The following IFI16 variants were observed in gnomAD, a reference collection of about 807,000 sequenced individuals.
IFI16 encodes interferon gamma inducible protein 16.
In IFI16, 49 loss-of-function variants were observed where a neutral mutation model predicts 68.4. The ratio of observed to expected loss-of-function variants is 0.72; its 90% CI spans 0.57 to 0.91. The LOEUF (loss-of-function observed/expected upper bound fraction) is 0.91. Among genes scored for constraint, IFI16 ranks in the 40% least tolerant of loss-of-function variants. The pLI, the probability that IFI16 is intolerant of heterozygous loss-of-function variation, is 0.00. For synonymous variants in IFI16, 307 were observed against 315.0 expected (o/e 0.97, Z 0.27); for missense variants, 878 against 942.9 (o/e 0.93, Z 0.90).
intron 6 of IFI16, among the ~76,000 whole-genome samples, chr1:159,024,151 G>T (rs1421846159): frequency 6.6e-6 from 1 of 152,160 alleles, no homozygotes; most frequent in Non-Finnish European, 1.5e-5. Flanking sequence ...CCAGGCATTT[G>T]CATCTTGATA....
In IFI16 at chr1:159,016,697, T is replaced by G. The variant is rs1652953836; in HGVS notation, c.546T>G (p.Thr182=). ...CAGCTCCACCCAACAGTTCTTCAAC[T>G]GAGGTACACTCTTCCTGGTCCCATT... The part of the protein sequence containing the change: ...SLSAPPNSSS[T]ENPKTVAKCQ... The change falls in exon 4 of 12, where the codon ACT becomes ACG. Residue 182 remains threonine (T), a synonymous_variant. Transcript: ENST00000295809. 1.2e-6 allele frequency: 2 copies of G among 1,611,954 alleles called. No individual in the cohort carries two copies. Among genetic ancestry groups the G allele is most frequent in the South Asian group, 2.2e-5 (2 of 90,638 alleles).
At chr1:159,034,963 A>C (rs960072288) in intron 7 of IFI16, among the ~76,000 whole-genome samples, 2 of 152,174 alleles carry the variant, frequency 1.3e-5, no homozygotes, top group African/African-American at 4.8e-5. Context: ...AGTCACCTGC[A>C]CTGAGGGTTC....
chr1:159,047,257 A>G (rs773322248), intron 8 of IFI16, among the ~76,000 whole-genome samples: 3 of 151,232 alleles, frequency 2.0e-5, no homozygotes, highest in Non-Finnish European at 3.0e-5. Context: ...GGTTTTCTCA[A>G]TTTTTTAGAC....
At chr1:159,029,901 C>T (rs894882381) in intron 6 of IFI16, among the ~76,000 whole-genome samples, 3 of 151,992 alleles carry the variant, frequency 2.0e-5, no homozygotes, top group African/African-American at 4.8e-5. Context: ...AGGCTGGTCT[C>T]ATACTCCTGA....
chr1:159,049,625 T>C (rs755847811), intron 9 of IFI16, 26 bp downstream of exon 9: 9 of 1,612,934 alleles, frequency 5.6e-6, no homozygotes, highest in African/African-American at 2.7e-5. Flanking sequence ...TCCCAATACA[T>C]TCCCCTCGCT....
At chr1:159,034,489 A>C (rs1654198931) in intron 7 of IFI16, among the ~76,000 whole-genome samples, 1 of 152,180 alleles carries the variant, frequency 6.6e-6, no homozygotes, top group African/African-American at 2.4e-5. Flanking sequence ...TATTCCAATT[A>C]CCTTTCATCC....
At chr1:159,006,288 G>A (rs1652255948), upstream of IFI16, among the ~76,000 whole-genome samples, 2 of 152,102 alleles carry the variant, frequency 1.3e-5, no homozygotes, top group African/African-American at 2.4e-5. Context: ...GGAAGGGGAG[G>A]GGGACTCAAA....
At chr1:159,048,361 A>G (rs181568716) in intron 8 of IFI16, among the ~76,000 whole-genome samples, 7 of 151,468 alleles carry the variant, frequency 4.6e-5, no homozygotes, top group African/African-American at 9.7e-5. Flanking sequence ...GAAAACTGAG[A>G]TGCAAAGAAA....
intron 8 of IFI16, among the ~76,000 whole-genome samples, chr1:159,048,660 A>G (rs527436963): frequency 1.2e-4 from 18 of 151,618 alleles, no homozygotes; most frequent in African/African-American, 4.3e-4. Flanking sequence ...ATTGCCACTT[A>G]AAAAATTAGG....
chr1:159,037,377 C>T (rs1162652213), intron 7 of IFI16, among the ~76,000 whole-genome samples: 2 of 152,192 alleles, frequency 1.3e-5, no homozygotes. Context: ...CTAAGATTCA[C>T]CAGCTGAGCA....
chr1:159,026,186 A>G lies in IFI16; in HGVS notation c.1161+5657A>G, dbSNP rs541804044. Among the ~76,000 whole-genome samples, 3 of 145,960 alleles carry G rather than the reference A, an allele frequency of 2.1e-5. No homozygotes were observed. The South Asian group carries it at 6.4e-4, about 31-fold the overall frequency. On this transcript the variant is annotated intron_variant, in intron 6 of 11. Coordinates refer to ENST00000295809, the MANE Select transcript of IFI16 (RefSeq NM_001376587.1). The stretch of plus-strand genomic sequence containing the variant: ...TGGTCTGTTTTTTGGTTCCATATGA[A>G]TTTTAGGATTTTTTTTTCTAGTTCT...
At chr1:159,012,072 C>T (rs757296132) in intron 1 of IFI16, among the ~76,000 whole-genome samples, 2 of 150,632 alleles carry the variant, frequency 1.3e-5, no homozygotes, top group Non-Finnish European at 3.0e-5. Flanking sequence ...ATTTTTCACT[C>T]TTCTTATCTT....
rs769006099 is a variant in IFI16 at position 159,016,525 on chromosome 1, A to T, written c.382-8A>T. The T allele has an allele frequency of 1.2e-6, 2 of 1,601,794 alleles. No homozygotes were observed. Among genetic ancestry groups the T allele is most frequent in the Non-Finnish European group, 8.5e-7 (1 of 1,175,380 alleles). On this transcript the variant is annotated splice_region_variant and splice_polypyrimidine_tract_variant and intron_variant, in intron 3 of 11. Transcript: ENST00000295809. ...AAACGAATAACAGGAAAATCAAACC[A>T]CTTTCAGAAAAGAAAAAAATCAACC... is the stretch of plus-strand genomic sequence containing the variant.
chr1:159,044,611 G>A (rs897911796), intron 7 of IFI16, among the ~76,000 whole-genome samples: 2 of 152,110 alleles, frequency 1.3e-5, no homozygotes, highest in African/African-American at 2.4e-5. Flanking sequence ...ACTTCCATTG[G>A]TTTAATTAAA....
intron 7 of IFI16, among the ~76,000 whole-genome samples, chr1:159,038,072 ATAAT>A (rs1193874238): frequency 6.6e-6 from 1 of 152,248 alleles, no homozygotes; most frequent in Non-Finnish European, 1.5e-5. Context: ...GCTAATAAAA[ATAAT>A]TAGTGTTAGA....
chr1:159,015,210 C>G (rs1652845013), intron 2 of IFI16, among the ~76,000 whole-genome samples: 1 of 152,088 alleles, frequency 6.6e-6, no homozygotes, highest in African/African-American at 2.4e-5. Context: ...ACTGAGACTT[C>G]CAGTACATTA....
intron 6 of IFI16, among the ~76,000 whole-genome samples, chr1:159,021,469 A>G (rs1340442041): frequency 2.6e-5 from 4 of 152,150 alleles, no homozygotes; most frequent in African/African-American, 9.7e-5. Context: ...TCCACGGTGT[A>G]TACATACCCC....
intron 6 of IFI16, among the ~76,000 whole-genome samples, chr1:159,020,841 A>G (rs986090511): frequency 1.0e-4 from 8 of 78,468 alleles, no homozygotes; most frequent in Admixed American, 1.8e-4. Context: ...TGAATTAGAA[A>G]ACGTCGTGTG....
intron 6 of IFI16, among the ~76,000 whole-genome samples, chr1:159,029,469 G>A (rs575185441): frequency 1.3e-5 from 2 of 152,266 alleles, no homozygotes; most frequent in East Asian, 1.9e-4. Flanking sequence ...GTGCCTAGGC[G>A]ATGATCTTTC....
Sources: allele counts gnomAD v4.1 joint callset (sites outside exome capture counted in the v4.1 genomes callset), GRCh38; gene constraint gnomAD v4.1.1; transcripts MANE v1.5; gene names NCBI Gene and HGNC (gene_info 2026-07-23, HGNC 2026-07-21).